LRMDA: variants seen among roughly 807,000 people sequenced by gnomAD.
The protein encoded by LRMDA is leucine rich melanocyte differentiation associated.
Under a neutral mutation model 29.8 loss-of-function variants are expected in LRMDA, and 18 were observed. That is an observed-to-expected ratio of 0.60 (90% confidence interval 0.42 to 0.90). LRMDA has a LOEUF of 0.90. LRMDA is among the 40% of genes least tolerant of loss of function. LRMDA has a pLI of 0.00. For missense variants in LRMDA, 273 were observed against 273.9 expected, an observed-to-expected ratio of 1.00 and a Z score of 0.02; for synonymous variants, 125 against 109.4, an observed-to-expected ratio of 1.14 and a Z score of -0.89.
chr10:75,524,811 A>G (rs1164463859), intron 2 of LRMDA, among the ~76,000 whole-genome samples: 1 of 151,984 alleles, frequency 6.6e-6, no homozygotes, highest in East Asian at 1.9e-4. Flanking sequence ...TCCATCTGGC[A>G]TTTGTTAAGT....
intron 6 of LRMDA, among the ~76,000 whole-genome samples, chr10:76,436,664 C>G (rs1842248100): frequency 6.6e-6 from 1 of 152,180 alleles, no homozygotes; most frequent in South Asian, 2.1e-4. Context: ...GCTCTTCACA[C>G]CCAGACAGAT....
At position 75,692,220 on chromosome 10, in the gene LRMDA, ATATATATATAT is replaced by A. The variant is rs1270031865; in HGVS notation, c.131+253727_131+253737del. ...TTGTCTCTGGGGGGAAAAAAAAAAAATATATATATATATATATATATATATATACATATATA... is the reference window on the plus strand; with the variant it reads ...TTGTCTCTGGGGGGAAAAAAAAAAAAATATATATATATATATACATATATA... On this transcript the variant is annotated intron_variant, in intron 2 of 6. Coordinates refer to ENST00000611255, the MANE Select transcript of LRMDA (RefSeq NM_001305581.2). Among the ~76,000 whole-genome samples the A allele has an allele frequency of 3.3e-3, 201 of 61,314 alleles. 3 individuals are homozygous for A. Among genetic ancestry groups the A allele is most frequent in the African/African-American group, 9.5e-3 (188 of 19,716 alleles). The allele number at this position is 61,314 out of a possible 152,430, so 40.2% of individuals were successfully genotyped here. A position where few individuals can be genotyped will look rare whatever the true frequency, so the allele number is the denominator to read the frequency against.
intron 5 of LRMDA, among the ~76,000 whole-genome samples, chr10:76,081,975 G>A (rs955190195): frequency 6.6e-6 from 1 of 152,146 alleles, no homozygotes; most frequent in Non-Finnish European, 1.5e-5. Context: ...CAAGTAGCTT[G>A]GGTAGGAGGT....
intron 5 of LRMDA, among the ~76,000 whole-genome samples, chr10:76,145,606 A>G (rs186794153): frequency 6.6e-6 from 1 of 152,110 alleles, no homozygotes; most frequent in South Asian, 2.1e-4. Context: ...TCTTGCTAAC[A>G]GTCTATCAGT....
intron 2 of LRMDA, among the ~76,000 whole-genome samples, chr10:75,983,670 T>C (rs962587149): frequency 6.6e-6 from 1 of 152,212 alleles, no homozygotes; most frequent in African/African-American, 2.4e-5. Context: ...TTCTTTTCTT[T>C]TTGATACAGA....
intron 5 of LRMDA, among the ~76,000 whole-genome samples, chr10:76,281,993 G>A (rs771924880): frequency 6.6e-6 from 1 of 152,134 alleles, no homozygotes; most frequent in Non-Finnish European, 1.5e-5. Flanking sequence ...GGACAGATTT[G>A]CATTTTTTGG....
At chr10:75,815,620 A>G (rs1844044873) in intron 2 of LRMDA, among the ~76,000 whole-genome samples, 1 of 152,180 alleles carries the variant, frequency 6.6e-6, no homozygotes, top group African/African-American at 2.4e-5. Flanking sequence ...AAAATGTTGG[A>G]GACTCTGTTA....
chr10:75,856,568 G>A (rs1229253728), intron 2 of LRMDA, among the ~76,000 whole-genome samples: 1 of 152,148 alleles, frequency 6.6e-6, no homozygotes, highest in Non-Finnish European at 1.5e-5. Flanking sequence ...ATAAACAGAA[G>A]CAATGACAAA....
chr10:76,085,675 T>C (rs914074275), intron 5 of LRMDA, among the ~76,000 whole-genome samples: 19 of 152,316 alleles, frequency 1.2e-4, no homozygotes, highest in African/African-American at 4.6e-4. Flanking sequence ...TGCTGCAGAA[T>C]GCTGTGGGAT....
At chr10:75,867,459 C>T (rs1227795523) in intron 2 of LRMDA, among the ~76,000 whole-genome samples, 1 of 152,198 alleles carries the variant, frequency 6.6e-6, no homozygotes, top group African/African-American at 2.4e-5. Flanking sequence ...CCGCACCCAG[C>T]CATGATACAG....
At chr10:76,339,706 C>A (rs1045116489) in intron 6 of LRMDA, among the ~76,000 whole-genome samples, 5 of 151,602 alleles carry the variant, frequency 3.3e-5, no homozygotes, top group East Asian at 1.9e-4. Context: ...ACAAAAAAAA[C>A]CCCACAAAGC....
intron 2 of LRMDA, among the ~76,000 whole-genome samples, chr10:75,952,639 A>G (rs1846595965): frequency 6.6e-6 from 1 of 152,220 alleles, no homozygotes. Flanking sequence ...ATTAAATTAG[A>G]AGATTCTAAT....
chr10:75,756,441 T>C (rs1417529764), intron 2 of LRMDA, among the ~76,000 whole-genome samples: 1 of 152,204 alleles, frequency 6.6e-6, no homozygotes, highest in Non-Finnish European at 1.5e-5. Context: ...AGGACCCTGA[T>C]GACCTCCTGG....
chr10:75,857,390 G>C (rs1844846082), intron 2 of LRMDA, among the ~76,000 whole-genome samples: 1 of 152,206 alleles, frequency 6.6e-6, no homozygotes, highest in African/African-American at 2.4e-5. Context: ...ACCACCTGGT[G>C]TGGGTGAGAG....
chr10:75,710,573 C>T lies in LRMDA; in HGVS notation c.131+272079C>T, dbSNP rs76607071. 6.1e-3 allele frequency among the ~76,000 whole-genome samples: 912 copies of T among 150,676 alleles called. 4 individuals are homozygous for T. Among genetic ancestry groups the T allele is most frequent in the Non-Finnish European group, 9.7e-3 (652 of 66,876 alleles). On this transcript the variant is annotated intron_variant, in intron 2 of 6. Transcript: ENST00000611255. ...GAGATGTCTGATGTGTATAGGAGCACGGCAGAGGAGACTTTTTGCTGCTGC... is the reference window on the plus strand; with the variant it reads ...GAGATGTCTGATGTGTATAGGAGCATGGCAGAGGAGACTTTTTGCTGCTGC...
In LRMDA at chr10:75,973,860, A is replaced by G. The variant is rs561501166; in HGVS notation, c.132-62148A>G. Among the ~76,000 whole-genome samples, 7 of 152,228 alleles carry G rather than the reference A, an allele frequency of 4.6e-5. No individual in the cohort carries two copies. In the South Asian group the frequency reaches 1.2e-3, roughly 27 times the overall value. ...AAGGCCACCTGAACTCAAAGGGAAAAGTTCTATAGTTGAAAGCAACCTGGA... is the reference window on the plus strand; with the variant it reads ...AAGGCCACCTGAACTCAAAGGGAAAGGTTCTATAGTTGAAAGCAACCTGGA... On this transcript the variant is annotated intron_variant, in intron 2 of 6. Coordinates refer to ENST00000611255, the MANE Select transcript of LRMDA (RefSeq NM_001305581.2).
chr10:75,806,894 G>A (rs1393392035), intron 2 of LRMDA, among the ~76,000 whole-genome samples: 1 of 151,544 alleles, frequency 6.6e-6, no homozygotes, highest in Non-Finnish European at 1.5e-5. Flanking sequence ...TATGTCTTAG[G>A]CTCTTAAAGT....
intron 6 of LRMDA, among the ~76,000 whole-genome samples, chr10:76,547,866 T>C (rs1447460034): frequency 2.0e-5 from 3 of 152,106 alleles, no homozygotes; most frequent in Non-Finnish European, 4.4e-5. Context: ...CCAGCCCATC[T>C]CAAATCCATT....
chr10:75,563,112 T>C (rs954535871), intron 2 of LRMDA, among the ~76,000 whole-genome samples: 1 of 152,122 alleles, frequency 6.6e-6, no homozygotes, highest in African/African-American at 2.4e-5. Context: ...CTGGATAATA[T>C]CCTGCAGAGT....
Sources: allele counts gnomAD v4.1 joint callset (sites outside exome capture counted in the v4.1 genomes callset), GRCh38; gene constraint gnomAD v4.1.1; transcripts MANE v1.5; gene names NCBI Gene and HGNC (gene_info 2026-07-23, HGNC 2026-07-21).